The following CDKAL1 variants were observed in gnomAD, a reference collection of about 807,000 sequenced individuals.
CDKAL1 encodes the protein CDKAL1 threonylcarbamoyladenosine tRNA methylthiotransferase.
In CDKAL1, 32 loss-of-function variants were observed where a neutral mutation model predicts 68.2. The observed-to-expected ratio is 0.47, with a 90% confidence interval of 0.35 to 0.63. The LOEUF is 0.63. Ranked by LOEUF, CDKAL1 falls within the 30% of genes least tolerant of loss-of-function variation. The pLI is 0.00. For missense variants in CDKAL1, 606 were observed against 696.7 expected (o/e 0.87, Z 1.47); for synonymous variants, 234 against 244.3 (o/e 0.96, Z 0.39).
intron 9 of CDKAL1, among the ~76,000 whole-genome samples, chr6:20,892,582 A>T (rs1410742887): frequency 2.0e-5 from 3 of 152,160 alleles, no homozygotes; most frequent in African/African-American, 7.2e-5. Context: ...TTGTATATTT[A>T]TATATTTATA....
At chr6:20,667,390 A>T (rs1459104261) in intron 5 of CDKAL1, among the ~76,000 whole-genome samples, 1 of 152,182 alleles carries the variant, frequency 6.6e-6, no homozygotes, top group African/African-American at 2.4e-5. Context: ...GTTGACAATG[A>T]TACCTGAATG....
chr6:21,133,311 GCTT>G (rs1350466741), intron 13 of CDKAL1, among the ~76,000 whole-genome samples: 2 of 152,130 alleles, frequency 1.3e-5, no homozygotes, highest in African/African-American at 2.4e-5. Flanking sequence ...TAATTAAACA[GCTT>G]CTTCTTCTTT....
At chr6:20,862,621 G>T (rs1759689816) in intron 9 of CDKAL1, among the ~76,000 whole-genome samples, 1 of 150,326 alleles carries the variant, frequency 6.7e-6, no homozygotes, top group Non-Finnish European at 1.5e-5. Context: ...TTTCTGCCTT[G>T]TCTTCTTTCC....
At chr6:20,805,264 C>A (rs965738423) in intron 8 of CDKAL1, among the ~76,000 whole-genome samples, 2 of 152,130 alleles carry the variant, frequency 1.3e-5, no homozygotes, top group Non-Finnish European at 2.9e-5. Context: ...GTGCAACTGT[C>A]TCCTGAGTCT....
chr6:20,906,499 G>A (rs1762237242), intron 9 of CDKAL1, among the ~76,000 whole-genome samples: 1 of 151,968 alleles, frequency 6.6e-6, no homozygotes, highest in Admixed American at 6.6e-5. Flanking sequence ...TAAACCCATT[G>A]TAAGTTGAAA....
In CDKAL1 at chr6:20,548,718, A is replaced by G. The variant is rs773905587; in HGVS notation, c.286+13A>G. The G allele has an allele frequency of 1.2e-5, 14 of 1,149,624 alleles. No homozygotes were observed. In the East Asian group the frequency reaches 1.6e-4, roughly 14 times the overall value. 71.2% of individuals were successfully genotyped at this position (1,149,624 alleles called of 1,614,324 possible). A position where few individuals can be genotyped will look rare whatever the true frequency, so the allele number is the denominator to read the frequency against. ...TATAAAATTACAGGTAATGAGATCT[A>G]TAATATATTTTATTGATTAAATTTT... On this transcript the variant is annotated intron_variant, in intron 4 of 15. Transcript: ENST00000274695.
chr6:20,754,317 T>C (rs1774074792), intron 6 of CDKAL1, among the ~76,000 whole-genome samples: 1 of 152,116 alleles, frequency 6.6e-6, no homozygotes, highest in South Asian at 2.1e-4. Flanking sequence ...TCCTACTGGG[T>C]GTGAAGTAGT....
At chr6:20,892,382 T>C (rs115889575) in intron 9 of CDKAL1, among the ~76,000 whole-genome samples, 4,643 of 152,254 alleles carry the variant, frequency 0.03, 117 homozygotes, top group Middle Eastern at 0.048. Context: ...AAGTACAATA[T>C]TGAGTGCTGA....
At chr6:20,844,698 A>AAG (rs59642074) in intron 8 of CDKAL1, among the ~76,000 whole-genome samples, 1 of 95,782 alleles carries the variant, frequency 1.0e-5, no homozygotes, top group Non-Finnish European at 2.7e-5. Context: ...AAAAAAAAAA[A>AAG]GAAACAGAAA....
At chr6:20,816,070 A>G (rs564303677) in intron 8 of CDKAL1, among the ~76,000 whole-genome samples, 1 of 149,178 alleles carries the variant, frequency 6.7e-6, no homozygotes, top group African/African-American at 2.5e-5. Flanking sequence ...TGGCAGCATG[A>G]CTCCATTCTC....
chr6:20,898,505 A>G (rs531549256), intron 9 of CDKAL1, among the ~76,000 whole-genome samples: 42 of 151,020 alleles, frequency 2.8e-4, no homozygotes, highest in Non-Finnish European at 5.4e-4. Context: ...GTTCTTGTCA[A>G]GAATGAGCTC....
At chr6:20,973,457 T>G (rs375127494) in intron 10 of CDKAL1, among the ~76,000 whole-genome samples, 7 of 152,118 alleles carry the variant, frequency 4.6e-5, no homozygotes, top group African/African-American at 1.7e-4. Flanking sequence ...AATGTGAGAC[T>G]TTCCAAAGGC....
At chr6:21,079,976 CTG>C (rs764266426) in intron 12 of CDKAL1, among the ~76,000 whole-genome samples, 65 of 135,834 alleles carry the variant, frequency 4.8e-4, no homozygotes, top group South Asian at 2.0e-3. Flanking sequence ...AACTTTGTCT[CTG>C]TGTGTGTGTG....
chr6:21,058,923 T>C lies in CDKAL1; in HGVS notation c.1056-6125T>C, dbSNP rs1770986977. Among the ~76,000 whole-genome samples, 4 of 152,220 alleles carry C rather than the reference T, an allele frequency of 2.6e-5. No homozygotes were observed. In the South Asian group the frequency reaches 8.3e-4, roughly 31 times the overall value. On this transcript the variant is annotated intron_variant, in intron 11 of 15. Coordinates refer to ENST00000274695, the MANE Select transcript of CDKAL1 (RefSeq NM_017774.3). ...CGGAGACCTGCTTAATGAAGCACTC[T>C]GGCTGCCCCTTGGTGGAGCGGGTTT...
chr6:20,723,286 G>T (rs1336674495), intron 5 of CDKAL1, among the ~76,000 whole-genome samples: 1 of 152,248 alleles, frequency 6.6e-6, no homozygotes, highest in Non-Finnish European at 1.5e-5. Context: ...GCTGTCTGCG[G>T]ATGGCAGAAC....
At chr6:21,149,018 G>A (rs1776294264) in intron 13 of CDKAL1, among the ~76,000 whole-genome samples, 1 of 152,160 alleles carries the variant, frequency 6.6e-6, no homozygotes, top group African/African-American at 2.4e-5. Context: ...TATATATTGT[G>A]TGCCTGCTGG....
intron 11 of CDKAL1, among the ~76,000 whole-genome samples, chr6:21,019,228 C>T (rs1299256900): frequency 4.6e-5 from 7 of 152,146 alleles, no homozygotes; most frequent in African/African-American, 1.7e-4. Flanking sequence ...GGATTATAGG[C>T]GTGAGCCACC....
At chr6:21,060,739 C>G (rs1162924454) in intron 11 of CDKAL1, among the ~76,000 whole-genome samples, 1 of 152,078 alleles carries the variant, frequency 6.6e-6, no homozygotes, top group Admixed American at 6.5e-5. Context: ...TTTTTCTCCC[C>G]TACCTACCTC....
chr6:20,950,934 C>T (rs1164393347), intron 9 of CDKAL1, among the ~76,000 whole-genome samples: 1 of 149,982 alleles, frequency 6.7e-6, no homozygotes, highest in African/African-American at 2.5e-5. Flanking sequence ...CGTGCCATTG[C>T]ACTCCAGCCT....
Sources: gnomAD v4.1 joint callset for allele counts (sites outside exome capture counted in the v4.1 genomes callset) on GRCh38, gnomAD v4.1.1 for gene constraint, MANE v1.5 for transcripts, NCBI Gene and HGNC (gene_info 2026-07-23, HGNC 2026-07-21) for gene names.